Variants in PRKN observed in about 807,000 individuals in gnomAD.
PRKN encodes parkin RBR E3 ubiquitin protein ligase, also known as E3 ubiquitin-protein ligase parkin.
In PRKN, 56 loss-of-function variants were observed where a neutral mutation model predicts 59.5. The ratio of observed to expected loss-of-function variants is 0.94; its 90% confidence interval spans 0.76 to 1.18. PRKN has a LOEUF of 1.18. Ranked by LOEUF, PRKN falls within the 50% of genes most tolerant of loss-of-function variation. PRKN has a pLI of 0.00. For synonymous variants in PRKN, 250 were observed against 222.1 expected (o/e 1.13, Z -1.12); for missense variants, 657 against 596.4 (o/e 1.10, Z -1.06).
chr6:162,646,216 C>T (rs1283578890), intron 1 of PRKN, among the ~76,000 whole-genome samples: 3 of 151,480 alleles, frequency 2.0e-5, no homozygotes, highest in Admixed American at 6.6e-5. Context: ...TAAAATCACA[C>T]AAAGAAACCA....
chr6:162,034,742 C>T (rs1389417890), intron 5 of PRKN, among the ~76,000 whole-genome samples: 9 of 152,150 alleles, frequency 5.9e-5, no homozygotes. Context: ...ATTCAGAGAA[C>T]AGATTCTTCT....
intron 1 of PRKN, among the ~76,000 whole-genome samples, chr6:162,702,488 G>GC (rs139129744): frequency 0.018 from 2,678 of 152,148 alleles, 70 homozygotes; most frequent in African/African-American, 0.061. Context: ...TTCTCCCTCA[G>GC]CCCTCCCTAC....
chr6:162,316,581 A>C (rs1010947255), intron 2 of PRKN, among the ~76,000 whole-genome samples: 1 of 152,120 alleles, frequency 6.6e-6, no homozygotes, highest in Admixed American at 6.6e-5. Flanking sequence ...ATTTTAAATA[A>C]ACCAAAAGGA....
chr6:162,178,725 C>T (rs1185257134), intron 4 of PRKN, among the ~76,000 whole-genome samples: 2 of 152,132 alleles, frequency 1.3e-5, no homozygotes, highest in South Asian at 4.1e-4. Flanking sequence ...ACTCAGTCTT[C>T]TCAGTTTTGT....
intron 5 of PRKN, among the ~76,000 whole-genome samples, chr6:162,003,662 C>T (rs112822883): frequency 0.011 from 1,746 of 152,240 alleles, 33 homozygotes; most frequent in Admixed American, 0.043. Context: ...TACTATATCA[C>T]TGTATAAATA....
intron 7 of PRKN, chr6:161,715,967 G>T (rs766545105): frequency 1.2e-5 from 6 of 504,270 alleles, no homozygotes; most frequent in African/African-American, 2.0e-5. Context: ...GACAGACTGG[G>T]TGAGAAGCGC....
rs1281764040 is a variant in PRKN, at chr6:162,528,301, G to C, written c.8-84828C>G. On this transcript the variant is annotated intron_variant, in intron 1 of 11. Transcript: ENST00000366898. ...TGTACCTCTGCACTCCAGCCTGGGT[G>C]AAGTGAAACTCCGTCTCAAAAGAAA... 6.1e-5 allele frequency among the ~76,000 whole-genome samples: 9 copies of C among 148,612 alleles called. No individual in the cohort carries two copies. In the South Asian group the frequency reaches 1.1e-3, roughly 18 times the overall value.
chr6:162,635,839 C>T lies in PRKN; in HGVS notation c.7+91823G>A, dbSNP rs554101051. ...GTGCCTCAGTCACATGATTCGCTTC[C>T]GGTTTGGGGGCTTGGTAGCCTGGTC... On this transcript the variant is annotated intron_variant, in intron 1 of 11. Coordinates refer to ENST00000366898, the MANE Select transcript of PRKN (RefSeq NM_004562.3). 2.6e-4 allele frequency among the ~76,000 whole-genome samples: 39 copies of T among 152,140 alleles called. 1 individual carries two copies. In the South Asian group the frequency reaches 5.4e-3, roughly 21 times the overall value.
At chr6:161,657,438 G>A (rs1784389167) in intron 7 of PRKN, among the ~76,000 whole-genome samples, 1 of 152,186 alleles carries the variant, frequency 6.6e-6, no homozygotes, top group Non-Finnish European at 1.5e-5. Context: ...CTCTGGAAGA[G>A]CATTCAAGAC....
At chr6:162,349,160 T>C (rs1784523108) in intron 2 of PRKN, among the ~76,000 whole-genome samples, 1 of 152,168 alleles carries the variant, frequency 6.6e-6, no homozygotes, top group Non-Finnish European at 1.5e-5. Context: ...ACACAAACTT[T>C]AGCAGAAAAT....
chr6:161,786,065 A>G (rs1790409143), intron 6 of PRKN, among the ~76,000 whole-genome samples, 157 bp from the exon 7 acceptor site: 1 of 152,242 alleles, frequency 6.6e-6, no homozygotes, highest in Non-Finnish European at 1.5e-5. Flanking sequence ...TACCAACACA[A>G]CATCTTAAAA....
chr6:162,386,679 T>A (rs1456035822), intron 2 of PRKN, among the ~76,000 whole-genome samples: 1 of 152,196 alleles, frequency 6.6e-6, no homozygotes, highest in African/African-American at 2.4e-5. Flanking sequence ...TGCGTGTACG[T>A]ACGTGTGCAC....
intron 2 of PRKN, among the ~76,000 whole-genome samples, chr6:162,440,443 G>A (rs1789997960): frequency 6.6e-6 from 1 of 152,152 alleles, no homozygotes; most frequent in African/African-American, 2.4e-5. Flanking sequence ...CTCAAAGAAG[G>A]TGAAACTAAG....
intron 6 of PRKN, among the ~76,000 whole-genome samples, chr6:161,857,127 G>T: frequency 6.6e-6 from 1 of 152,164 alleles, no homozygotes; most frequent in Non-Finnish European, 1.5e-5. Flanking sequence ...TACTCGGGAG[G>T]CTGAGGCAGG....
chr6:162,375,766 A>ACACACACACAC (rs1562712438), intron 2 of PRKN, among the ~76,000 whole-genome samples: 7 of 100,684 alleles, frequency 7.0e-5, no homozygotes, highest in African/African-American at 2.9e-4. Flanking sequence ...CACACACACA[A>ACACACACACAC]ACACACACCC....
rs1198715395 is a variant in PRKN at position 161,538,011 on chromosome 6, G to A, written c.1083+10843C>T. Among the ~76,000 whole-genome samples, 1 of 152,200 alleles carries A rather than the reference G, an allele frequency of 6.6e-6. No homozygotes were observed. Among genetic ancestry groups the A allele is most frequent in the African/African-American group, 2.4e-5 (1 of 41,452 alleles). ...TCAATAACCAACACGGCTTTGTGAA[G>A]AAAAATGTGATGTGTGTCAGGAACA... On this transcript the variant is annotated intron_variant, in intron 9 of 11. Coordinates refer to ENST00000366898, the MANE Select transcript of PRKN (RefSeq NM_004562.3). This position sits in a 1 kb window ranked among gnomAD's most constrained non-coding sequence, Gnocchi z 4.2.
intron 5 of PRKN, among the ~76,000 whole-genome samples, chr6:162,029,588 G>A (rs1294293293): frequency 6.6e-6 from 1 of 152,186 alleles, no homozygotes; most frequent in Non-Finnish European, 1.5e-5. Flanking sequence ...GCTCTGCTGA[G>A]CAAAGTTGTT....
intron 5 of PRKN, among the ~76,000 whole-genome samples, chr6:162,052,154 G>C (rs1777670467): frequency 6.6e-6 from 1 of 151,906 alleles, no homozygotes; most frequent in Non-Finnish European, 1.5e-5. Context: ...TTATGTTCTG[G>C]CTGCATTTAG....
chr6:162,710,017 C>G (rs1030895209), intron 1 of PRKN, among the ~76,000 whole-genome samples: 1 of 152,048 alleles, frequency 6.6e-6, no homozygotes, highest in Non-Finnish European at 1.5e-5. Flanking sequence ...TTCTCCTCCA[C>G]GGGTTGGGGT....
Sources: allele counts gnomAD v4.1 joint callset (sites outside exome capture counted in the v4.1 genomes callset), GRCh38; gene constraint gnomAD v4.1.1; non-coding constraint Gnocchi (gnomAD v3.1); transcripts MANE v1.5; gene names NCBI Gene and HGNC (gene_info 2026-07-23, HGNC 2026-07-21).